The following BDP1 variants were observed in gnomAD, a reference collection of about 807,000 sequenced individuals.
BDP1 encodes the protein transcription factor TFIIIB component B'' homolog.
In BDP1, 169 loss-of-function variants were observed where a neutral mutation model predicts 266.6. The ratio of observed to expected loss-of-function variants is 0.63; its 90% CI spans 0.56 to 0.72. The LOEUF (loss-of-function observed/expected upper bound fraction) is 0.72, where lower values mean the gene tolerates loss of function less well. BDP1 is among the 30% of genes least tolerant of loss of function. The probability of loss-of-function intolerance (pLI) is 0.00; values close to 1 mark genes in which losing one functional copy is unlikely to be tolerated. For missense variants in BDP1, 3,015 were observed against 3,053.8 expected (o/e 0.99, Z 0.30); for synonymous variants, 1,090 against 1,022.4 (o/e 1.07, Z -1.26).
chr5:71,532,533 A>G, intron 26 of BDP1, 106 bp downstream of exon 26: 3 of 1,103,922 alleles, frequency 2.7e-6, no homozygotes, highest in Non-Finnish European at 3.8e-6. Context: ...TTACTTAGCT[A>G]ATTTCTCTTT....
At chr5:71,556,120 G>C (rs1338467079) in intron 35 of BDP1, among the ~76,000 whole-genome samples, 1 of 151,824 alleles carries the variant, frequency 6.6e-6, no homozygotes, top group Non-Finnish European at 1.5e-5. Context: ...CTTTTTTGTT[G>C]CTGTTATCAT....
In BDP1 at chr5:71,510,009, G is replaced by A. The variant is rs1294144594; in HGVS notation, c.2917G>A (p.Val973Met). 9.3e-6 allele frequency: 15 copies of A among 1,613,944 alleles called. No individual in the cohort carries two copies. In the Middle Eastern group the frequency reaches 8.2e-4, roughly 88 times the overall value. ...ESSPREKTPE[V>M]TDATEEIDKN... ...TTCCCCAAGGGAGAAGACACCAGAG[G>A]TGACTGATGCCACTGAGGAAATAGA... The change falls in exon 17 of 39, where the codon GTG (valine) becomes ATG (methionine). Residue 973 changes from valine (V) to methionine (M), a missense_variant. Physicochemically the swap from Val to Met is conservative, Grantham distance 21. Around this residue, in one of 3 missense-constraint regions of BDP1, gnomAD observed 2,383 missense variants for 2,404.9 expected, o/e 0.99. Transcript: ENST00000358731.
At chr5:71,498,426 A>C (rs1349185592) in intron 13 of BDP1, among the ~76,000 whole-genome samples, 2 of 147,794 alleles carry the variant, frequency 1.4e-5, no homozygotes, top group Admixed American at 6.8e-5. Flanking sequence ...TTCTTTCTTT[A>C]TTTCTTTTTT....
intron 32 of BDP1, among the ~76,000 whole-genome samples, chr5:71,546,369 A>T (rs1158171641): frequency 2.0e-5 from 3 of 152,082 alleles, no homozygotes; most frequent in African/African-American, 7.2e-5. Context: ...CTGTAATCCC[A>T]GTACTTTGGG....
intron 26 of BDP1, among the ~76,000 whole-genome samples, chr5:71,538,100 A>G (rs1410853775): frequency 2.0e-5 from 3 of 152,204 alleles, no homozygotes; most frequent in African/African-American, 7.2e-5. Context: ...GGAGATGATC[A>G]TGTGAATTTT....
intron 25 of BDP1, among the ~76,000 whole-genome samples, chr5:71,525,680 C>G (rs1479614208): frequency 5.6e-5 from 6 of 107,884 alleles, no homozygotes; most frequent in South Asian, 3.4e-4. Flanking sequence ...GCTGGCCGGG[C>G]GGGGGGCTGA....
At chr5:71,505,821 A>G (rs1764547202) in intron 16 of BDP1, among the ~76,000 whole-genome samples, 1 of 152,238 alleles carries the variant, frequency 6.6e-6, no homozygotes, top group Non-Finnish European at 1.5e-5. Flanking sequence ...TGAATGGGCC[A>G]CTTTACTCCA....
chr5:71,547,068 G>C (rs371385999), intron 32 of BDP1, among the ~76,000 whole-genome samples: 3 of 152,000 alleles, frequency 2.0e-5, no homozygotes, highest in African/African-American at 7.2e-5. Context: ...GGCCAGGCTG[G>C]TCTTGAGCTC....
Position 71,489,416 on chromosome 5 carries a change from C to G in BDP1, c.1226C>G (p.Ala409Gly). ...PRKNVKVKKV[A>G]CEGVNNDPDE... ...CTCTTGTTTTCAGTGAAAAAAGTTG[C>G]CTGTGAAGGAGTGAATAATGATCCA... is the stretch of plus-strand genomic sequence containing the variant. Residue 409 changes from alanine (A) to glycine (G), a missense_variant, in exon 10 of 39, where the codon GCC becomes GGC. Coordinates refer to ENST00000358731, the MANE Select transcript of BDP1 (RefSeq NM_018429.3). 1 of 1,580,888 alleles carries G rather than the reference C, an allele frequency of 6.3e-7. No individual in the cohort carries two copies.
intron 32 of BDP1, 115 bp from the exon 33 acceptor site, chr5:71,548,567 G>C: frequency 4.3e-6 from 3 of 693,728 alleles, no homozygotes; most frequent in South Asian, 3.7e-5. Context: ...CTTGAAAACT[G>C]TATATGGTTA....
intron 13 of BDP1, among the ~76,000 whole-genome samples, chr5:71,499,511 C>T (rs751515625): frequency 4.6e-5 from 7 of 151,972 alleles, no homozygotes; most frequent in East Asian, 1.9e-4. Flanking sequence ...CCCAACTACT[C>T]GGGAGTTTGA....
intron 32 of BDP1, 61 bp from the exon 33 acceptor site, chr5:71,548,621 A>G: frequency 9.8e-7 from 1 of 1,018,984 alleles, no homozygotes. Context: ...ATTGACAGGA[A>G]TAACTTTTTA....
At position 71,539,685 on chromosome 5, in the gene BDP1, A is replaced by G. The variant is rs753857553; in HGVS notation, c.6022+36A>G. 43 of 1,438,392 alleles carry G rather than the reference A, an allele frequency of 3.0e-5. No homozygotes were observed. In the South Asian group the frequency reaches 4.2e-4, roughly 14 times the overall value. 89.1% of individuals were successfully genotyped at this position (1,438,392 alleles called of 1,614,324 possible). A position where few individuals can be genotyped will look rare whatever the true frequency, so the allele number is the denominator to read the frequency against. On this transcript the variant is annotated intron_variant, in intron 28 of 38. Coordinates refer to ENST00000358731, the MANE Select transcript of BDP1 (RefSeq NM_018429.3). Reference sequence around the variant, plus strand: ...AAGCTAAGTCCTATCAAAAATAGAAACTTTTAAAACCTAACTTAAGAAATT... The same window carrying G: ...AAGCTAAGTCCTATCAAAAATAGAAGCTTTTAAAACCTAACTTAAGAAATT...
chr5:71,524,350 A>G lies in BDP1; in HGVS notation c.5772+27A>G, dbSNP rs764520027. 6 of 1,543,644 alleles carry G rather than the reference A, an allele frequency of 3.9e-6. No homozygotes were observed. In the African/African-American group the frequency reaches 4.2e-5, roughly 11 times the overall value. The stretch of plus-strand genomic sequence containing the variant: ...TTCGGTTTTTTTTTAAAACCTTGGT[A>G]CTTTATCTTACTTGGTTTTCACCTC... On this transcript the variant is annotated intron_variant, in intron 25 of 38. Transcript: ENST00000358731.
At chr5:71,462,800 G>C (rs1761660902) in intron 3 of BDP1, among the ~76,000 whole-genome samples, 1 of 152,028 alleles carries the variant, frequency 6.6e-6, no homozygotes, top group African/African-American at 2.4e-5. Context: ...TAGTTACCAA[G>C]GCATAGTGAA....
At position 71,541,446 on chromosome 5, in the gene BDP1, TTC is replaced by T. The variant is rs758057952; in HGVS notation, c.6023-6_6023-5del. 7 of 1,126,430 alleles carry T rather than the reference TTC, an allele frequency of 6.2e-6. No individual in the cohort carries two copies. Among genetic ancestry groups the T allele is most frequent in the Admixed American group, 2.8e-5 (1 of 35,608 alleles). 69.8% of individuals were successfully genotyped at this position (1,126,430 alleles called of 1,614,324 possible). A position where few individuals can be genotyped will look rare whatever the true frequency, so the allele number is the denominator to read the frequency against. On this transcript the variant is annotated splice_polypyrimidine_tract_variant and splice_region_variant and intron_variant, in intron 28 of 38. Transcript: ENST00000358731. ...CATTTTAATTTTGTTTTTTTTTTTT[TTC>T]TTCAGTAGGAGTATGTATAATTCCT... is the stretch of plus-strand genomic sequence containing the variant.
chr5:71,541,505 C>T lies in BDP1; in HGVS notation c.6074C>T (p.Pro2025Leu). The T allele has an allele frequency of 6.2e-7, 1 of 1,607,124 alleles. No homozygotes were observed. The highest frequency in any genetic ancestry group is 1.7e-4 in the Middle Eastern group (1 of 6,030). Residue 2025 changes from proline (P) to leucine (L), a missense_variant, in exon 29 of 39, where the codon CCT (proline) becomes CTT (leucine). Around this residue, in one of 3 missense-constraint regions of BDP1, gnomAD observed 2,383 missense variants for 2,404.9 expected, o/e 0.99. Transcript: ENST00000358731. ...HVHSKDKSHI[P>L]SSLDNVNHKI... ...CATTCAAAGGATAAAAGCCATATTC[C>T]TTCTAGCCTAGATAATGTAAATCAC...
chr5:71,468,036 G>T (rs1579989761), intron 6 of BDP1, among the ~76,000 whole-genome samples: 1 of 151,756 alleles, frequency 6.6e-6, no homozygotes, highest in Admixed American at 6.6e-5. Context: ...TTTATTTTTT[G>T]AGACGGAGTT....
intron 25 of BDP1, among the ~76,000 whole-genome samples, chr5:71,525,573 C>G (rs1206295015): frequency 1.3e-4 from 11 of 82,406 alleles, no homozygotes; most frequent in Admixed American, 8.8e-4. Flanking sequence ...GATGGGGCGG[C>G]TGGCCGGGCG....
Sources: allele counts gnomAD v4.1 joint callset (sites outside exome capture counted in the v4.1 genomes callset), GRCh38; gene constraint gnomAD v4.1.1; regional missense constraint gnomAD v4.1.1; transcripts MANE v1.5; gene names NCBI Gene and HGNC (gene_info 2026-07-23, HGNC 2026-07-21).